The following TOP1 variants were observed in gnomAD, a reference collection of about 807,000 sequenced individuals.
TOP1 encodes the protein DNA topoisomerase I.
Under a neutral mutation model 111.1 loss-of-function variants are expected in TOP1, and 10 were observed. The observed-to-expected ratio is 0.09, with a 90% CI of 0.06 to 0.15. The LOEUF (loss-of-function observed/expected upper bound fraction) is 0.15. Among genes scored for constraint, TOP1 ranks in the 10% least tolerant of loss-of-function variants. TOP1 has a pLI of 1.00. For synonymous variants in TOP1, 271 were observed against 302.9 expected (o/e 0.89, Z 1.10); for missense variants, 474 against 926.7 (o/e 0.51, Z 6.34).
intron 2 of TOP1, among the ~76,000 whole-genome samples, chr20:41,053,779 C>T (rs2033434849): frequency 6.6e-6 from 1 of 152,170 alleles, no homozygotes; most frequent in Non-Finnish European, 1.5e-5. Context: ...ATTCTACATT[C>T]TGCCTCCTTT....
chr20:41,087,551 T>C (rs1178423745), intron 8 of TOP1, among the ~76,000 whole-genome samples: 1 of 152,226 alleles, frequency 6.6e-6, no homozygotes, highest in African/African-American at 2.4e-5. Flanking sequence ...GGAATTAGTG[T>C]TGCAAGACCA....
At chr20:41,105,477 A>G (rs556587835) in intron 13 of TOP1, among the ~76,000 whole-genome samples, 13 of 152,208 alleles carry the variant, frequency 8.5e-5, no homozygotes, top group Non-Finnish European at 1.5e-4. Flanking sequence ...ATATCATAAA[A>G]ACTTATCTAT....
chr20:41,101,104 G>A lies in TOP1; in HGVS notation c.1164-105G>A, dbSNP rs895083101. The stretch of plus-strand genomic sequence containing the variant: ...GACTACTGTATTGACTGTTAAGAAG[G>A]AAACTTGGAAAATTATGCTCAGCAG... On this transcript the variant is annotated intron_variant, in intron 12 of 20. Transcript: ENST00000361337. The surrounding 1 kb of genome is among the most constrained non-coding windows in gnomAD (Gnocchi z 4.1). 3.3e-5 allele frequency: 43 copies of A among 1,289,996 alleles called. No homozygotes were observed. The Admixed American group carries it at 4.6e-4, about 14-fold the overall frequency. The allele number at this position is 1,289,996 out of a possible 1,614,324, so 79.9% of individuals were successfully genotyped here.
At chr20:41,063,054 G>A (rs149743832) in intron 3 of TOP1, among the ~76,000 whole-genome samples, 25 of 152,282 alleles carry the variant, frequency 1.6e-4, no homozygotes, top group Middle Eastern at 3.4e-3. Context: ...CAGGTACTGA[G>A]CATAGAACCC....
rs1215017880 is a variant in TOP1 at position 41,116,068 on chromosome 20, TC to T, written c.1708-209del. Among the ~76,000 whole-genome samples, 1 of 152,196 alleles carries T rather than the reference TC, an allele frequency of 6.6e-6. No individual in the cohort carries two copies. The highest frequency in any genetic ancestry group is 2.4e-5 in the African/African-American group (1 of 41,432). ...GGCTGGGTGTCAGAGTGAGACCCTG[TC>T]ATACACACACACAAAGATTGAAATA... On this transcript the variant is annotated intron_variant, in intron 16 of 20. Transcript: ENST00000361337. The surrounding 1 kb of genome is among the most constrained non-coding windows in gnomAD (Gnocchi z 5.6).
intron 2 of TOP1, among the ~76,000 whole-genome samples, chr20:41,035,132 C>T (rs1023950948): frequency 2.6e-5 from 4 of 152,292 alleles, no homozygotes; most frequent in African/African-American, 9.6e-5. Flanking sequence ...GCTCAAGCAG[C>T]CTGCCCACCT....
At chr20:41,048,138 C>T (rs997305948) in intron 2 of TOP1, among the ~76,000 whole-genome samples, 1 of 150,446 alleles carries the variant, frequency 6.6e-6, no homozygotes, top group Non-Finnish European at 1.5e-5. Context: ...CAGCACATGC[C>T]TGCCTTTTAA....
chr20:41,089,819 T>C (rs1176596204), intron 8 of TOP1, among the ~76,000 whole-genome samples: 2 of 152,242 alleles, frequency 1.3e-5, no homozygotes, highest in Non-Finnish European at 2.9e-5. Flanking sequence ...TTTTGTTTTA[T>C]TGCCATCCTT....
At position 41,118,997 on chromosome 20, in the gene TOP1, C is replaced by A. The variant is rs926737642; in HGVS notation, c.1950+701C>A. On this transcript the variant is annotated intron_variant, in intron 18 of 20. Transcript: ENST00000361337. This position sits in a 1 kb window ranked among gnomAD's most constrained non-coding sequence, Gnocchi z 4.6. ...TGACTTCATAACTAATTCATCCTAACATGGTGGTCCACAGTGAGAATTTGC... is the reference window on the plus strand; with the variant it reads ...TGACTTCATAACTAATTCATCCTAAAATGGTGGTCCACAGTGAGAATTTGC... Among the ~76,000 whole-genome samples the A allele has an allele frequency of 6.6e-6, 1 of 152,224 alleles. No homozygotes were observed. The highest frequency in any genetic ancestry group is 2.4e-5 in the African/African-American group (1 of 41,460).
At chr20:41,093,815 T>C (rs1223101842) in intron 9 of TOP1, among the ~76,000 whole-genome samples, 1 of 152,182 alleles carries the variant, frequency 6.6e-6, no homozygotes, top group Non-Finnish European at 1.5e-5. Flanking sequence ...TAGGCCTAGG[T>C]AGTAGTTTAC....
At chr20:41,077,765 T>G (rs985187728) in intron 5 of TOP1, 128 bp downstream of exon 5, 7 of 826,938 alleles carry the variant, frequency 8.5e-6, no homozygotes, top group Non-Finnish European at 1.4e-5. Flanking sequence ...TCCCAGAAGC[T>G]CAGCAGTGAG....
rs1015838683 is a variant in TOP1, at chr20:41,087,583, A to G, written c.614+3015A>G. ...ACCAAGACTCATAAATATATGGTCA[A>G]TGATAGTGGTAAGAAATTTATGGAA... is the stretch of plus-strand genomic sequence containing the variant. On this transcript the variant is annotated intron_variant, in intron 8 of 20. Coordinates refer to ENST00000361337, the MANE Select transcript of TOP1 (RefSeq NM_003286.4). 3.3e-5 allele frequency among the ~76,000 whole-genome samples: 5 copies of G among 152,374 alleles called. No individual in the cohort carries two copies. The East Asian group carries it at 5.8e-4, about 18-fold the overall frequency.
chr20:41,045,452 C>G (rs991004364), intron 2 of TOP1, among the ~76,000 whole-genome samples: 1 of 152,184 alleles, frequency 6.6e-6, no homozygotes, highest in Admixed American at 6.5e-5. Flanking sequence ...GAAGTTCAGG[C>G]AGTTGTACGT....
rs183941774 is a variant in TOP1, at chr20:41,109,735, T to C, written c.1309-3047T>C. Among the ~76,000 whole-genome samples the C allele has an allele frequency of 6.6e-6, 1 of 152,310 alleles. No individual in the cohort carries two copies. Among genetic ancestry groups the C allele is most frequent in the African/African-American group, 2.4e-5 (1 of 41,564 alleles). On this transcript the variant is annotated intron_variant, in intron 13 of 20. Transcript: ENST00000361337. This position sits in a 1 kb window ranked among gnomAD's most constrained non-coding sequence, Gnocchi z 4.1. ...AAAGAGTGCTCGACATCACTAATTA[T>C]CAGTGGAGTGAAGATTTAACCACAG...
rs1293671890 is a variant in TOP1, at chr20:41,061,507, G to A, written c.155+17G>A. The A allele has an allele frequency of 1.9e-6, 3 of 1,567,838 alleles. No individual in the cohort carries two copies. Among genetic ancestry groups the A allele is most frequent in the East Asian group, 2.4e-5 (1 of 42,322 alleles). ...TAGCAACAGGTAAGGGTGGAATCAA[G>A]CAAGTCCCTCATCATTCAGCAGTGG... On this transcript the variant is annotated intron_variant, in intron 3 of 20. Transcript: ENST00000361337. The surrounding 1 kb of genome is among the most constrained non-coding windows in gnomAD (Gnocchi z 4.6).
chr20:41,043,637 G>A (rs2033295353), intron 2 of TOP1, among the ~76,000 whole-genome samples: 1 of 152,194 alleles, frequency 6.6e-6, no homozygotes, highest in African/African-American at 2.4e-5. Context: ...CAATGTGTCA[G>A]CACACTTAAA....
chr20:41,077,715 G>C, intron 5 of TOP1, 78 bp downstream of exon 5: 1 of 1,393,120 alleles, frequency 7.2e-7, no homozygotes, highest in Non-Finnish European at 1.0e-6. Flanking sequence ...AGTGTTGTCT[G>C]AGTTAACCCA....
rs1278600540 is a variant in TOP1, at chr20:41,115,152, T to C, written c.1639-219T>C. Among the ~76,000 whole-genome samples, 1 of 152,078 alleles carries C rather than the reference T, an allele frequency of 6.6e-6. No individual in the cohort carries two copies. Among genetic ancestry groups the C allele is most frequent in the Non-Finnish European group, 1.5e-5 (1 of 68,032 alleles). ...CTTATAAATGGCTCAGAACAAACAA[T>C]TATGTATATATATCTGTAAATATAC... On this transcript the variant is annotated intron_variant, in intron 15 of 20. Transcript: ENST00000361337. The surrounding 1 kb of genome is among the most constrained non-coding windows in gnomAD (Gnocchi z 6.3).
chr20:41,061,056 C>T lies in TOP1; in HGVS notation c.59-338C>T, dbSNP rs1322929415. Among the ~76,000 whole-genome samples the T allele has an allele frequency of 1.3e-5, 2 of 152,166 alleles. No homozygotes were observed. Among genetic ancestry groups the T allele is most frequent in the East Asian group, 3.8e-4 (2 of 5,202 alleles). The stretch of plus-strand genomic sequence containing the variant: ...AGTTATAACATCTGATCTTTAGAGT[C>T]AGTGTTCAATACTATCCCTTTGTTA... On this transcript the variant is annotated intron_variant, in intron 2 of 20. Transcript: ENST00000361337. The surrounding 1 kb of genome is among the most constrained non-coding windows in gnomAD (Gnocchi z 4.6).
Sources: gnomAD v4.1 joint callset for allele counts (sites outside exome capture counted in the v4.1 genomes callset) on GRCh38, gnomAD v4.1.1 for gene constraint, Gnocchi (gnomAD v3.1) non-coding constraint, MANE v1.5 for transcripts, NCBI Gene and HGNC (gene_info 2026-07-23, HGNC 2026-07-21) for gene names.